SH3RF3: variants seen among roughly 807,000 people sequenced by gnomAD.
SH3RF3 encodes the protein SH3 domain containing ring finger 3, also known as E3 ubiquitin-protein ligase SH3RF3.
SH3RF3 carries 29 observed loss-of-function variants against 66.3 expected under a neutral mutation model. The observed-to-expected ratio is 0.44, with a 90% CI of 0.33 to 0.60. The LOEUF is 0.60. Among genes scored for constraint, SH3RF3 ranks in the 20% least tolerant of loss-of-function variants. SH3RF3 has a pLI of 0.04. For missense variants in SH3RF3, 1,194 were observed against 1,190.9 expected, an observed-to-expected ratio of 1.00 and a Z score of -0.04; for synonymous variants, 583 against 532.0, an observed-to-expected ratio of 1.10 and a Z score of -1.32.
chr2:109,191,556 G>T (rs944257351), intron 1 of SH3RF3, among the ~76,000 whole-genome samples: 2 of 152,168 alleles, frequency 1.3e-5, no homozygotes, highest in Non-Finnish European at 2.9e-5. Flanking sequence ...CAGGCTTGAC[G>T]CTGCCTCCCA....
intron 1 of SH3RF3, among the ~76,000 whole-genome samples, chr2:109,180,247 C>T (rs1018635798): frequency 1.3e-5 from 2 of 152,152 alleles, no homozygotes; most frequent in Non-Finnish European, 2.9e-5. Context: ...GGGCTTCGGC[C>T]TCCTTCCTTT....
At chr2:109,346,347 T>C (rs1165094204) in intron 1 of SH3RF3, among the ~76,000 whole-genome samples, 1 of 152,218 alleles carries the variant, frequency 6.6e-6, no homozygotes, top group Non-Finnish European at 1.5e-5. Context: ...AACATGCTAT[T>C]AAGTCCTCTA....
At position 109,397,577 on chromosome 2, in the gene SH3RF3, C is replaced by A. The variant is rs1447111391; in HGVS notation, c.946-1013C>A. ...GGGCACCCAAGTGGGAAACTTCCTC[C>A]AGGTATAGGATCAGGGGACACTGTC... is the stretch of plus-strand genomic sequence containing the variant. On this transcript the variant is annotated intron_variant, in intron 3 of 9. Transcript: ENST00000309415. 3.3e-5 allele frequency among the ~76,000 whole-genome samples: 5 copies of A among 152,298 alleles called. No individual in the cohort carries two copies. In the East Asian group the frequency reaches 9.7e-4, roughly 30 times the overall value.
At chr2:109,384,716 T>A (rs1382095554) in intron 3 of SH3RF3, among the ~76,000 whole-genome samples, 1 of 152,134 alleles carries the variant, frequency 6.6e-6, no homozygotes, top group African/African-American at 2.4e-5. Context: ...AGGTGAACTT[T>A]GATAGTGTAA....
In SH3RF3 at chr2:109,490,468, TG is replaced by T. The variant is rs1273763230; in HGVS notation, c.2149-135del. The T allele has an allele frequency of 8.3e-6, 6 of 722,244 alleles. No homozygotes were observed. The South Asian group carries it at 1.8e-4, about 22-fold the overall frequency. 44.7% of individuals were successfully genotyped at this position (722,244 alleles called of 1,614,324 possible). The stretch of plus-strand genomic sequence containing the variant: ...CTCTGGCTACTGCTGTTGCTGTGAG[TG>T]GTAAAGTCTTTTGTCTGAAAAAATA... On this transcript the variant is annotated intron_variant, in intron 8 of 9. Transcript: ENST00000309415.
At chr2:109,351,316 C>G (rs111660623) in intron 2 of SH3RF3, among the ~76,000 whole-genome samples, 156 of 152,328 alleles carry the variant, frequency 1.0e-3, no homozygotes, top group Non-Finnish European at 1.7e-3. Context: ...GACACATAAC[C>G]TTTCTGGGCC....
intron 1 of SH3RF3, among the ~76,000 whole-genome samples, chr2:109,163,491 C>T (rs1376283741): frequency 6.8e-6 from 1 of 146,638 alleles, no homozygotes. Flanking sequence ...CTCCGCCTCC[C>T]GGGTTCACGC....
At position 109,218,367 on chromosome 2, in the gene SH3RF3, G is replaced by A. The variant is rs374042014; in HGVS notation, c.573+88254G>A. On this transcript the variant is annotated intron_variant, in intron 1 of 9. Coordinates refer to ENST00000309415, the MANE Select transcript of SH3RF3 (RefSeq NM_001099289.3). Reference sequence around the variant, plus strand: ...AATTGTCCTTTCAATTCAAAATATGGGCTTCTGAGTTGCTGGATGAAATGT... The same window carrying A: ...AATTGTCCTTTCAATTCAAAATATGAGCTTCTGAGTTGCTGGATGAAATGT... Among the ~76,000 whole-genome samples the A allele has an allele frequency of 3.9e-5, 6 of 152,210 alleles. No homozygotes were observed. The East Asian group carries it at 9.7e-4, about 25-fold the overall frequency.
At chr2:109,339,910 G>T (rs1423566290) in intron 1 of SH3RF3, among the ~76,000 whole-genome samples, 5 of 152,182 alleles carry the variant, frequency 3.3e-5, no homozygotes, top group African/African-American at 1.2e-4. Context: ...CTCCACAGAG[G>T]CTTCCCTCGC....
chr2:109,430,369 C>T (rs548122640), intron 5 of SH3RF3, among the ~76,000 whole-genome samples: 114 of 152,330 alleles, frequency 7.5e-4, no homozygotes, highest in African/African-American at 2.5e-3. Context: ...AAGCCTTCCA[C>T]GGATCCAAGT....
At chr2:109,137,130 GTGTC>G (rs1308122037) in intron 1 of SH3RF3, among the ~76,000 whole-genome samples, 1 of 152,212 alleles carries the variant, frequency 6.6e-6, no homozygotes, top group Non-Finnish European at 1.5e-5. Context: ...AGGAAAACAT[GTGTC>G]TATATCTTTT....
chr2:109,351,776 G>A (rs1400459778), intron 2 of SH3RF3, among the ~76,000 whole-genome samples: 1 of 152,192 alleles, frequency 6.6e-6, no homozygotes, highest in Non-Finnish European at 1.5e-5. Context: ...GGAGCCACAG[G>A]GCTTGGTGGC....
chr2:109,313,398 A>G (rs1433202986), intron 1 of SH3RF3, among the ~76,000 whole-genome samples: 1 of 152,238 alleles, frequency 6.6e-6, no homozygotes, highest in South Asian at 2.1e-4. Context: ...GTGAAGTGTC[A>G]TATTTTAAGA....
rs1433383670 is a variant in SH3RF3, at chr2:109,502,802, A to G, written c.*1131A>G. 5.3e-5 allele frequency: 8 copies of G among 152,228 alleles called. No individual in the cohort carries two copies. The allele number at this position is 152,228 out of a possible 1,614,324, so 9.4% of individuals were successfully genotyped here. On this transcript the variant is annotated 3_prime_UTR_variant, in exon 10 of 10. Coordinates refer to ENST00000309415, the MANE Select transcript of SH3RF3 (RefSeq NM_001099289.3). Reference sequence around the variant, plus strand: ...CTTTATTGCCTCAGAGAGAACTGCAATTAGCATTCTCAGAAGATGATTTCT... The same window carrying G: ...CTTTATTGCCTCAGAGAGAACTGCAGTTAGCATTCTCAGAAGATGATTTCT...
chr2:109,226,290 A>G (rs759544297), intron 1 of SH3RF3, among the ~76,000 whole-genome samples: 1 of 152,154 alleles, frequency 6.6e-6, no homozygotes, highest in Admixed American at 6.5e-5. Flanking sequence ...AGTTATGTAA[A>G]CAGATCAATA....
intron 1 of SH3RF3, among the ~76,000 whole-genome samples, chr2:109,287,821 G>A (rs1574551782): frequency 2.0e-5 from 3 of 152,172 alleles, no homozygotes; most frequent in Admixed American, 2.0e-4. Context: ...TTAGGGCGCT[G>A]CACTCTCCTG....
At chr2:109,264,379 C>T (rs750502272) in intron 1 of SH3RF3, among the ~76,000 whole-genome samples, 52 of 151,998 alleles carry the variant, frequency 3.4e-4, no homozygotes, top group Non-Finnish European at 6.2e-4. Context: ...CGTCCACCTC[C>T]CCAGGATCCA....
intron 4 of SH3RF3, among the ~76,000 whole-genome samples, chr2:109,414,408 T>C (rs143433831): frequency 6.6e-6 from 1 of 152,268 alleles, no homozygotes; most frequent in East Asian, 1.9e-4. Flanking sequence ...GATTCAGGTT[T>C]CATCTGGTTT....
In SH3RF3 at chr2:109,449,402, G is replaced by A. The variant is rs975129732; in HGVS notation, c.2061G>A (p.Gly687=). The part of the protein sequence containing the change: ...PPNVSAANLN[G]EAGGGPIGVL... ...ACGTCAGTGCCGCAAACCTCAACGGGGAGGCTGGAGGGGGGCCCATCGGTG... is the reference window on the plus strand; with the variant it reads ...ACGTCAGTGCCGCAAACCTCAACGGAGAGGCTGGAGGGGGGCCCATCGGTG... The change falls in exon 8 of 10, where the codon GGG becomes GGA. Residue 687 remains glycine (G), a synonymous_variant. Transcript: ENST00000309415. The A allele has an allele frequency of 3.1e-6, 5 of 1,613,372 alleles. No homozygotes were observed. The Admixed American group carries it at 5.0e-5, about 16-fold the overall frequency.
Sources: gnomAD v4.1 joint callset for allele counts (sites outside exome capture counted in the v4.1 genomes callset) on GRCh38, gnomAD v4.1.1 for gene constraint, MANE v1.5 for transcripts, NCBI Gene and HGNC (gene_info 2026-07-23, HGNC 2026-07-21) for gene names.